The following RTN4 variants were observed in gnomAD, a reference collection of about 807,000 sequenced individuals.
The protein encoded by RTN4 is reticulon 4.
In RTN4, 32 loss-of-function variants were observed where a neutral mutation model predicts 90.4. The ratio of observed to expected loss-of-function variants is 0.35; its 90% confidence interval spans 0.27 to 0.48. The LOEUF (loss-of-function observed/expected upper bound fraction) is 0.48. RTN4 is among the 20% of genes least tolerant of loss of function. The probability of loss-of-function intolerance (pLI) is 0.99; values close to 1 mark genes in which losing one functional copy is unlikely to be tolerated. For synonymous variants in RTN4, 629 were observed against 552.5 expected (o/e 1.14, Z -1.94); for missense variants, 1,706 against 1,430.2 (o/e 1.19, Z -3.11).
chr2:55,074,844 G>A (rs1336588515), intron 2 of RTN4, among the ~76,000 whole-genome samples: 1 of 152,152 alleles, frequency 6.6e-6, no homozygotes, highest in Non-Finnish European at 1.5e-5. Flanking sequence ...ATTATCTCAA[G>A]AGATGCAGAA....
chr2:55,056,692 T>C (rs1668196411), intron 2 of RTN4: 1 of 152,238 alleles, frequency 6.6e-6, no homozygotes, highest in South Asian at 2.1e-4. Context: ...TTCTGTAGTT[T>C]TGACCTTCAA....
chr2:55,042,518 T>C (rs757359289), intron 1 of RTN4, among the ~76,000 whole-genome samples: 4 of 152,196 alleles, frequency 2.6e-5, no homozygotes, highest in Admixed American at 6.5e-5. Flanking sequence ...AGATTATCTC[T>C]AAACAGATAC....
At chr2:55,048,678 C>T (rs1047277225) in intron 1 of RTN4, among the ~76,000 whole-genome samples, 12 of 152,050 alleles carry the variant, frequency 7.9e-5, no homozygotes, top group Non-Finnish European at 1.6e-4. Flanking sequence ...AGGCACGTGA[C>T]CGTATTTTGA....
upstream of RTN4, among the ~76,000 whole-genome samples, chr2:55,054,106 TA>T (rs1449577861): frequency 2.6e-5 from 4 of 152,244 alleles, no homozygotes; most frequent in African/African-American, 9.6e-5. Flanking sequence ...TTTATACAAA[TA>T]AAAAATTTAA....
At chr2:55,101,850 G>A (rs1667858256) in intron 1 of RTN4, among the ~76,000 whole-genome samples, 2 of 151,984 alleles carry the variant, frequency 1.3e-5, no homozygotes, top group African/African-American at 4.8e-5. Flanking sequence ...CTAAGTGACT[G>A]GAAAGATTGT....
At chr2:55,077,581 A>G (rs1428632926) in intron 2 of RTN4, among the ~76,000 whole-genome samples, 1 of 152,182 alleles carries the variant, frequency 6.6e-6, no homozygotes, top group Non-Finnish European at 1.5e-5. Context: ...AACTAAAAGT[A>G]GATCTACCAT....
chr2:55,055,364 T>G (rs965774642), upstream of RTN4, among the ~76,000 whole-genome samples: 1 of 152,106 alleles, frequency 6.6e-6, no homozygotes, highest in African/African-American at 2.4e-5. Context: ...AACTTATTAT[T>G]TTTAATACTT....
chr2:54,972,391 T>TAACTA lies in RTN4; in HGVS notation c.*760_*764dup, dbSNP rs1553429355. 6.6e-6 allele frequency: 1 copy of TAACTA among 151,886 alleles called. No individual in the cohort carries two copies. Among genetic ancestry groups the TAACTA allele is most frequent in the Non-Finnish European group, 1.5e-5 (1 of 67,824 alleles). 9.4% of individuals were successfully genotyped at this position (151,886 alleles called of 1,614,324 possible). A position where few individuals can be genotyped will look rare whatever the true frequency, so the allele number is the denominator to read the frequency against. On this transcript the variant is annotated 3_prime_UTR_variant, in exon 9 of 9. Coordinates refer to ENST00000337526, the MANE Select transcript of RTN4 (RefSeq NM_020532.5). ...CAGTCCATAGATTCTGTGACAAAATTAACTACAGTCAGTCTGTGCAATGAA... is the reference window on the plus strand; with the variant it reads ...CAGTCCATAGATTCTGTGACAAAATTAACTAAACTACAGTCAGTCTGTGCAATGAA...
intron 3 of RTN4, among the ~76,000 whole-genome samples, chr2:54,988,832 A>AG (rs1184862478): frequency 6.6e-6 from 1 of 152,248 alleles, no homozygotes; most frequent in Non-Finnish European, 1.5e-5. Context: ...AGGGCCACTG[A>AG]GGGGATCAAG....
intron 3 of RTN4, among the ~76,000 whole-genome samples, chr2:55,013,597 G>T (rs1680802020): frequency 1.1e-5 from 1 of 88,784 alleles, no homozygotes; most frequent in East Asian, 3.3e-4. Context: ...GTTTTTTGGT[G>T]GGTTTTTTTT....
chr2:55,009,333 T>G (rs987536931), intron 3 of RTN4, among the ~76,000 whole-genome samples: 1 of 152,264 alleles, frequency 6.6e-6, no homozygotes, highest in South Asian at 2.1e-4. Flanking sequence ...GAAAAAAAGG[T>G]AGATTTAACC....
At chr2:55,038,861 C>T (rs960223249) in intron 1 of RTN4, among the ~76,000 whole-genome samples, 3 of 152,282 alleles carry the variant, frequency 2.0e-5, no homozygotes, top group South Asian at 2.1e-4. Context: ...AAACATCCAA[C>T]GAGTGAATAC....
intron 1 of RTN4, among the ~76,000 whole-genome samples, chr2:55,097,218 C>T (rs1327926860): frequency 6.6e-6 from 1 of 150,616 alleles, no homozygotes; most frequent in Non-Finnish European, 1.5e-5. Flanking sequence ...AGGAGGATTG[C>T]TTGAGCCCAG....
At chr2:55,130,031 T>G in the RTN4 span, among the ~76,000 whole-genome samples, 1 of 152,226 alleles carries the variant, frequency 6.6e-6, no homozygotes, top group Non-Finnish European at 1.5e-5. Flanking sequence ...TTTGCACATG[T>G]GCCTGAAAAA....
rs191706367 is a variant in RTN4, at chr2:55,049,470, C to G, written c.556+275G>C. On this transcript the variant is annotated intron_variant, in intron 1 of 8. Coordinates refer to ENST00000337526, the MANE Select transcript of RTN4 (RefSeq NM_020532.5). Reference sequence around the variant, plus strand: ...GGGTGGGTGCCTAACTTCCGAGAATCCGTACGCTGGGCATCACACAGGGTG... The same window carrying G: ...GGGTGGGTGCCTAACTTCCGAGAATGCGTACGCTGGGCATCACACAGGGTG... The G allele has an allele frequency of 1.6e-3, 803 of 487,480 alleles. 5 individuals are homozygous for G. The highest frequency in any genetic ancestry group is 1.3e-3 in the Non-Finnish European group (353 of 263,272). 30.2% of individuals were successfully genotyped at this position (487,480 alleles called of 1,614,324 possible). A position where few individuals can be genotyped will look rare whatever the true frequency, so the allele number is the denominator to read the frequency against.
At chr2:55,078,179 TA>T (rs202089707) in intron 2 of RTN4, among the ~76,000 whole-genome samples, 15 of 150,488 alleles carry the variant, frequency 1.0e-4, no homozygotes, top group South Asian at 2.1e-4. Context: ...CCTATTGAAA[TA>T]AAAAAAAAAT....
intron 3 of RTN4, among the ~76,000 whole-genome samples, chr2:55,007,220 T>C (rs980302640): frequency 6.6e-6 from 1 of 152,120 alleles, no homozygotes; most frequent in Non-Finnish European, 1.5e-5. Flanking sequence ...CTTCCTTGAA[T>C]TTCTCAAATC....
intron 1 of RTN4, among the ~76,000 whole-genome samples, chr2:55,087,158 T>C (rs1390375761): frequency 6.6e-6 from 1 of 152,248 alleles, no homozygotes; most frequent in Non-Finnish European, 1.5e-5. Context: ...TTGGGGGTAC[T>C]GTGAACTATG....
Position 55,049,922 on chromosome 2 carries a change from C to T in RTN4, c.379G>A (p.Ala127Thr), listed in dbSNP as rs1311427552. The change falls in exon 1 of 9, where the codon GCA becomes ACA. Residue 127 changes from alanine (A) to threonine (T), a missense_variant. Transcript: ENST00000337526. The part of the protein sequence containing the change: ...VPAPSPLSAA[A>T]VSPSKLPEDD... The stretch of plus-strand genomic sequence containing the variant: ...TCAGGGAGCTTGGAGGGCGAGACTG[C>T]GGCAGCAGACAGCGGGGATGGCGCG... 1 of 1,337,542 alleles carries T rather than the reference C, an allele frequency of 7.5e-7. No individual in the cohort carries two copies. Among genetic ancestry groups the T allele is most frequent in the Non-Finnish European group, 9.5e-7 (1 of 1,049,902 alleles). 82.9% of individuals were successfully genotyped at this position (1,337,542 alleles called of 1,614,324 possible).
Sources: gnomAD v4.1 joint callset for allele counts (sites outside exome capture counted in the v4.1 genomes callset) on GRCh38, gnomAD v4.1.1 for gene constraint, MANE v1.5 for transcripts, NCBI Gene and HGNC (gene_info 2026-07-23, HGNC 2026-07-21) for gene names.